PTPRA: variants seen among roughly 807,000 people sequenced by gnomAD.
PTPRA encodes protein tyrosine phosphatase receptor type A, also known as receptor-type tyrosine-protein phosphatase alpha.
In PTPRA, 25 loss-of-function variants were observed where a neutral mutation model predicts 104.8. That is an observed-to-expected ratio of 0.24 (90% CI 0.17 to 0.33). PTPRA has a LOEUF of 0.33. Ranked by LOEUF, PTPRA falls within the 10% of genes least tolerant of loss-of-function variation. PTPRA has a pLI of 1.00. For missense variants in PTPRA, 765 were observed against 1,015.3 expected (o/e 0.75, Z 3.35); for synonymous variants, 323 against 368.9 (o/e 0.88, Z 1.43).
At chr20:2,924,154 T>C (rs781139538) in intron 2 of PTPRA, among the ~76,000 whole-genome samples, 10 of 152,144 alleles carry the variant, frequency 6.6e-5, no homozygotes, top group Non-Finnish European at 1.3e-4. Flanking sequence ...TGTGGTGGCT[T>C]ACACCTGTAA....
chr20:2,885,514 T>G (rs2090329039), intron 1 of PTPRA, among the ~76,000 whole-genome samples: 1 of 152,220 alleles, frequency 6.6e-6, no homozygotes, highest in South Asian at 2.1e-4. Flanking sequence ...TTCTGATCAA[T>G]CATAACATCT....
chr20:2,866,072 G>T, the PTPRA span: 3 of 730,538 alleles, frequency 4.1e-6, no homozygotes, highest in Non-Finnish European at 4.7e-6. Context: ...GTGCATGGGG[G>T]TTGGGGGATT....
intron 9 of PTPRA, among the ~76,000 whole-genome samples, chr20:2,989,850 T>C (rs914837541): frequency 1.3e-4 from 20 of 152,040 alleles, no homozygotes; most frequent in Admixed American, 2.6e-4. Context: ...ACCCTGTCTC[T>C]ACTAAAAATA....
At chr20:2,945,681 C>T (rs2061101738) in intron 2 of PTPRA, among the ~76,000 whole-genome samples, 1 of 151,748 alleles carries the variant, frequency 6.6e-6, no homozygotes, top group African/African-American at 2.4e-5. Context: ...GTAATCCCAG[C>T]ACTTTATGAA....
At chr20:3,005,649 C>T (rs1422405673) in intron 10 of PTPRA, among the ~76,000 whole-genome samples, 2 of 151,928 alleles carry the variant, frequency 1.3e-5, no homozygotes, top group Admixed American at 6.6e-5. Flanking sequence ...TTTATGGATC[C>T]CACATACTCA....
At chr20:2,874,758 G>C (rs1199764926) in intron 1 of PTPRA, among the ~76,000 whole-genome samples, 1 of 152,128 alleles carries the variant, frequency 6.6e-6, no homozygotes, top group Non-Finnish European at 1.5e-5. Context: ...TTTTTCCCAT[G>C]GGATGAATGA....
intron 5 of PTPRA, 35 bp from the exon 6 acceptor site, chr20:2,975,180 T>G (rs2062378972): frequency 1.9e-6 from 3 of 1,539,516 alleles, no homozygotes; most frequent in African/African-American, 2.7e-5. Context: ...TTCTTTAACC[T>G]GAATGAATGT....
chr20:2,929,406 A>G (rs888823271), intron 2 of PTPRA, among the ~76,000 whole-genome samples: 23 of 152,158 alleles, frequency 1.5e-4, no homozygotes, highest in African/African-American at 5.5e-4. Flanking sequence ...GTGTTCACAC[A>G]TTCCTTTTTA....
intron 11 of PTPRA, among the ~76,000 whole-genome samples, chr20:3,008,728 T>TAAA (rs763235190): frequency 2.6e-3 from 168 of 63,492 alleles, no homozygotes; most frequent in South Asian, 0.011. Context: ...TCATCTCTAC[T>TAAA]AAAAAAAAAA....
chr20:2,958,838 CTG>C (rs2061638000), intron 3 of PTPRA, among the ~76,000 whole-genome samples: 1 of 118,460 alleles, frequency 8.4e-6, no homozygotes, highest in Non-Finnish European at 1.6e-5. Context: ...CAGAGCGAGA[CTG>C]TATCAAAAAA....
intron 10 of PTPRA, 87 bp from the exon 11 acceptor site, chr20:3,007,257 C>A: frequency 7.8e-7 from 1 of 1,287,368 alleles, no homozygotes. Context: ...TGCACATAGG[C>A]ACAGATGTCT....
chr20:2,986,649 G>A (rs2062923866), intron 6 of PTPRA, 116 bp from the exon 7 acceptor site: 3 of 857,650 alleles, frequency 3.5e-6, no homozygotes, highest in Middle Eastern at 4.4e-4. Context: ...TCCATTTCCT[G>A]GCATCTGCAG....
rs536998658 is a variant in PTPRA at position 2,922,555 on chromosome 20, G to T, written c.-128-652G>T. ...GGGTTTCACCATGTTGGCCAGGCTGGTCTCGAACTCCTGACTTCTCAGGTG... is the reference window on the plus strand; with the variant it reads ...GGGTTTCACCATGTTGGCCAGGCTGTTCTCGAACTCCTGACTTCTCAGGTG... On this transcript the variant is annotated intron_variant, in intron 1 of 23. Transcript: ENST00000399903. 3.3e-5 allele frequency among the ~76,000 whole-genome samples: 5 copies of T among 152,254 alleles called. No individual in the cohort carries two copies. The East Asian group carries it at 9.7e-4, about 29-fold the overall frequency.
At chr20:3,008,012 A>G (rs1237596354) in intron 11 of PTPRA, among the ~76,000 whole-genome samples, 1 of 152,230 alleles carries the variant, frequency 6.6e-6, no homozygotes, top group Non-Finnish European at 1.5e-5. Flanking sequence ...GTAGCCTGAA[A>G]AAACACATAA....
At chr20:3,033,389 G>A (rs544839080) in intron 20 of PTPRA, among the ~76,000 whole-genome samples, 1 of 151,952 alleles carries the variant, frequency 6.6e-6, no homozygotes, top group Admixed American at 6.6e-5. Context: ...TACAGGCAGA[G>A]CCTCCCCACT....
intron 3 of PTPRA, among the ~76,000 whole-genome samples, chr20:2,959,877 G>A (rs955533349): frequency 6.6e-6 from 1 of 152,122 alleles, no homozygotes; most frequent in Non-Finnish European, 1.5e-5. Context: ...CTTGAACCTG[G>A]GAGGTGGAGG....
At chr20:3,015,404 T>G (rs1185330808) in intron 11 of PTPRA, among the ~76,000 whole-genome samples, 2 of 150,116 alleles carry the variant, frequency 1.3e-5, no homozygotes, top group Non-Finnish European at 3.0e-5. Flanking sequence ...ACCTCCCAGG[T>G]TCAAGCAATT....
In PTPRA at chr20:3,008,875, G is replaced by A. The variant is rs565713479; in HGVS notation, c.906+1455G>A. Among the ~76,000 whole-genome samples, 3 of 152,122 alleles carry A rather than the reference G, an allele frequency of 2.0e-5. No individual in the cohort carries two copies. In the East Asian group the frequency reaches 5.8e-4, roughly 29 times the overall value. ...TGCAGTGAGCCGAGATGGCGCCACT[G>A]CACTCCAGCCTGGGCGACAGGGTGA... On this transcript the variant is annotated intron_variant, in intron 11 of 23. Transcript: ENST00000399903.
In PTPRA at chr20:2,971,554, G is replaced by A. The variant is rs1005465752; in HGVS notation, c.416-3661G>A. 3.9e-5 allele frequency among the ~76,000 whole-genome samples: 6 copies of A among 152,052 alleles called. No homozygotes were observed. In the East Asian group the frequency reaches 1.2e-3, roughly 29 times the overall value. On this transcript the variant is annotated intron_variant, in intron 5 of 23. Coordinates refer to ENST00000399903, the MANE Select transcript of PTPRA (RefSeq NM_001385305.1). ...AACTTTCTTTTTCTTCTGTTTAATCGCATTGATGAATACCTCCAGAACAAA... is the reference window on the plus strand; with the variant it reads ...AACTTTCTTTTTCTTCTGTTTAATCACATTGATGAATACCTCCAGAACAAA...
Sources: gnomAD v4.1 joint callset for allele counts (sites outside exome capture counted in the v4.1 genomes callset) on GRCh38, gnomAD v4.1.1 for gene constraint, MANE v1.5 for transcripts, NCBI Gene and HGNC (gene_info 2026-07-23, HGNC 2026-07-21) for gene names.